The following TLE3 variants were observed in gnomAD, a reference collection of about 807,000 sequenced individuals.
TLE3 encodes transducin-like enhancer protein 3.
Under a neutral mutation model 93.0 loss-of-function variants are expected in TLE3, and 14 were observed. The ratio of observed to expected loss-of-function variants is 0.15; its 90% CI spans 0.10 to 0.24. The LOEUF (loss-of-function observed/expected upper bound fraction) is 0.24. Among genes scored for constraint, TLE3 ranks in the 10% least tolerant of loss-of-function variants. TLE3 has a pLI of 1.00. For missense variants in TLE3, 693 were observed against 1,046.6 expected (o/e 0.66, Z 4.66); for synonymous variants, 451 against 425.0 (o/e 1.06, Z -0.75).
intron 8 of TLE3, among the ~76,000 whole-genome samples, chr15:70,062,088 G>A (rs1009034637): frequency 1.3e-5 from 2 of 152,192 alleles, no homozygotes; most frequent in African/African-American, 4.8e-5. Context: ...TTCCTAAGCC[G>A]GGTTCTGGGC....
Position 70,058,492 on chromosome 15 carries a change from G to A in TLE3, c.918+171C>T. On this transcript the variant is annotated intron_variant, in intron 11 of 19. Coordinates refer to ENST00000451782, the MANE Select transcript of TLE3 (RefSeq NM_001105192.3). This position sits in a 1 kb window ranked among gnomAD's most constrained non-coding sequence, Gnocchi z 4.1. ...CCCATTTTACAGACGTAGCAACCGAGGCTCAGAAACGTTAACTCATTAGCA... is the reference window on the plus strand; with the variant it reads ...CCCATTTTACAGACGTAGCAACCGAAGCTCAGAAACGTTAACTCATTAGCA... The A allele has an allele frequency of 7.8e-7, 1 of 1,286,874 alleles. No individual in the cohort carries two copies. Among genetic ancestry groups the A allele is most frequent in the African/African-American group, 1.5e-5 (1 of 66,682 alleles). 79.7% of individuals were successfully genotyped at this position (1,286,874 alleles called of 1,614,324 possible). A position where few individuals can be genotyped will look rare whatever the true frequency, so the allele number is the denominator to read the frequency against.
intron 14 of TLE3, 25 bp downstream of exon 14, chr15:70,056,273 T>C (rs1297245517): frequency 1.9e-6 from 3 of 1,611,606 alleles, no homozygotes; most frequent in Non-Finnish European, 1.7e-6. Context: ...CTACAAAGCA[T>C]GCAGTAAGTA....
At chr15:70,075,691 T>C (rs796997491) in intron 5 of TLE3, among the ~76,000 whole-genome samples, 2 of 152,244 alleles carry the variant, frequency 1.3e-5, no homozygotes, top group East Asian at 1.9e-4. Context: ...CCTTGGAAGG[T>C]AGGCGTAGAA....
rs747195420 is a variant in TLE3 at position 70,057,513 on chromosome 15, G to A, written c.1197C>T (p.Ala399=). 40 of 1,607,818 alleles carry A rather than the reference G, an allele frequency of 2.5e-5. No homozygotes were observed. Among genetic ancestry groups the A allele is most frequent in the African/African-American group, 2.1e-4 (16 of 74,878 alleles). The part of the protein sequence containing the change: ...LHNIPPQMSA[A]AAAAAAAYGR... ...CATAGGCAGCGGCTGCAGCAGCGGCGGCGGCGCTCATCTGGGGTGGGATGT... is the reference window on the plus strand; with the variant it reads ...CATAGGCAGCGGCTGCAGCAGCGGCAGCGGCGCTCATCTGGGGTGGGATGT... Residue 399 remains alanine, a synonymous_variant, in exon 13 of 20, where the codon GCC becomes GCT. Transcript: ENST00000451782.
At position 70,068,620 on chromosome 15, in the gene TLE3, C is replaced by T. The variant is rs189015158; in HGVS notation, c.373-2402G>A. 1.7e-3 allele frequency among the ~76,000 whole-genome samples: 263 copies of T among 152,334 alleles called. 1 individual carries two copies. Among genetic ancestry groups the T allele is most frequent in the African/African-American group, 6.1e-3 (253 of 41,574 alleles). On this transcript the variant is annotated intron_variant, in intron 6 of 19. Transcript: ENST00000451782. Reference sequence around the variant, plus strand: ...AAGAAGAGGAGGGGAAAGAAGGCTTCAAAGAAGTAGCTTTGCTGCCTGCAG... The same window carrying T: ...AAGAAGAGGAGGGGAAAGAAGGCTTTAAAGAAGTAGCTTTGCTGCCTGCAG...
chr15:70,065,929 C>T (rs1358131817), intron 7 of TLE3, 85 bp downstream of exon 7: 3 of 1,412,678 alleles, frequency 2.1e-6, no homozygotes, highest in South Asian at 1.3e-5. Context: ...GACGACAGCA[C>T]TTGCTGGGTC....
chr15:70,092,888 T>C (rs2058370028), intron 4 of TLE3, among the ~76,000 whole-genome samples: 1 of 152,074 alleles, frequency 6.6e-6, no homozygotes, highest in South Asian at 2.1e-4. Context: ...TTCCAATAAC[T>C]GCTGCTATAA....
At chr15:70,073,896 G>C (rs1245578942) in intron 6 of TLE3, among the ~76,000 whole-genome samples, 1 of 152,248 alleles carries the variant, frequency 6.6e-6, no homozygotes, top group Non-Finnish European at 1.5e-5. Flanking sequence ...GGCCAGTCCG[G>C]AAGTGGGCCT....
At position 70,095,616 on chromosome 15, in the gene TLE3, C is replaced by A. The variant is rs2058517340; in HGVS notation, c.151G>T (p.Ala51Ser). 6.4e-6 allele frequency: 10 copies of A among 1,551,606 alleles called. No individual in the cohort carries two copies. In the South Asian group the frequency reaches 1.2e-4, roughly 18 times the overall value. ...CGCTGCATCTCCGTCTTCTCGTTTGCCAGCTTGTCGTACTCCACTTTGAGG... is the reference window on the plus strand; with the variant it reads ...CGCTGCATCTCCGTCTTCTCGTTTGACAGCTTGTCGTACTCCACTTTGAGG... ...HSLKVEYDKL[A>S]NEKTEMQRHY... Residue 51 changes from alanine to serine, a missense_variant, in exon 3 of 20, where the codon GCA becomes TCA. By Grantham distance (99) the Ala-to-Ser change is moderately conservative. This residue lies in a region of TLE3 where 104 missense variants were observed against 173.8 expected (regional missense o/e 0.60). Transcript: ENST00000451782.
At chr15:70,051,257 G>A (rs1038455962) in intron 19 of TLE3, 134 bp downstream of exon 19, 3 of 812,922 alleles carry the variant, frequency 3.7e-6, no homozygotes, top group African/African-American at 3.5e-5. Flanking sequence ...TAGGGGTGGG[G>A]AGGGGACCAG....
chr15:70,048,195 A>G lies in TLE3; in HGVS notation c.*1902T>C, dbSNP rs1038231668. 2 of 152,368 alleles carry G rather than the reference A, an allele frequency of 1.3e-5. No homozygotes were observed. Among genetic ancestry groups the G allele is most frequent in the South Asian group, 2.1e-4 (1 of 4,834 alleles). 9.4% of individuals were successfully genotyped at this position (152,368 alleles called of 1,614,324 possible). A position where few individuals can be genotyped will look rare whatever the true frequency, so the allele number is the denominator to read the frequency against. ...GGGGGAGAGGCAATTAAGACGCAAC[A>G]ATCAAACCAACCTTTAAATAGTAAC... On this transcript the variant is annotated 3_prime_UTR_variant, in exon 20 of 20. Transcript: ENST00000451782.
chr15:70,056,446 C>A, intron 13 of TLE3, 72 bp from the exon 14 acceptor site: 1 of 1,449,966 alleles, frequency 6.9e-7, no homozygotes, highest in Middle Eastern at 2.1e-4. Context: ...TCCTCCACCA[C>A]CCACCCGGGG....
intron 4 of TLE3, among the ~76,000 whole-genome samples, chr15:70,089,508 A>T (rs1175655770): frequency 6.6e-6 from 1 of 152,156 alleles, no homozygotes; most frequent in Non-Finnish European, 1.5e-5. Flanking sequence ...CCCACAACTA[A>T]AATCCCCACT....
In TLE3 at chr15:70,060,644, G is replaced by A. The variant is rs756065907; in HGVS notation, c.600C>T (p.Asn200=). The A allele has an allele frequency of 1.2e-6, 2 of 1,613,910 alleles. No individual in the cohort carries two copies. Among genetic ancestry groups the A allele is most frequent in the South Asian group, 1.1e-5 (1 of 91,090 alleles). The change falls in exon 9 of 20, where the codon AAC becomes AAT. Residue 200 remains asparagine, a synonymous_variant. Transcript: ENST00000451782. ...GGAGGCTTTCCGAGGGTGACACAGA[G>A]TTATTCTGGAAGGAAAAAGAGGGTT... ...DHRERESSAN[N]SVSPSESLRA...
chr15:70,052,700 C>A (rs557286453), intron 17 of TLE3, 176 bp from the exon 18 acceptor site: 1 of 552,818 alleles, frequency 1.8e-6, no homozygotes, highest in South Asian at 4.0e-5. Flanking sequence ...TGAGAAAGCA[C>A]AGACATTTTG....
At chr15:70,066,940 C>T (rs1595913146) in intron 6 of TLE3, 1 of 378,828 alleles carries the variant, frequency 2.6e-6, no homozygotes, top group South Asian at 1.9e-5. Context: ...ATTTCCTTAT[C>T]TGTAAAGGGG....
At position 70,063,308 on chromosome 15, in the gene TLE3, T is replaced by C. The variant is rs575529182; in HGVS notation, c.594+1146A>G. ...AACTGCCTCTCCGAAAAAATGCCACTGTTAGAGGATCAGTACCGAGGCAGT... is the reference window on the plus strand; with the variant it reads ...AACTGCCTCTCCGAAAAAATGCCACCGTTAGAGGATCAGTACCGAGGCAGT... On this transcript the variant is annotated intron_variant, in intron 8 of 19. Coordinates refer to ENST00000451782, the MANE Select transcript of TLE3 (RefSeq NM_001105192.3). 7.9e-5 allele frequency among the ~76,000 whole-genome samples: 12 copies of C among 152,348 alleles called. No homozygotes were observed. In the South Asian group the frequency reaches 1.4e-3, roughly 18 times the overall value.
At chr15:70,063,689 ATTT>A (rs1180046654) in intron 8 of TLE3, among the ~76,000 whole-genome samples, 1 of 152,228 alleles carries the variant, frequency 6.6e-6, no homozygotes, top group Admixed American at 6.5e-5. Flanking sequence ...TCGCTGGAGG[ATTT>A]TTTTTATCCA....
chr15:70,081,085 C>T (rs2057754027), intron 4 of TLE3, among the ~76,000 whole-genome samples: 1 of 152,160 alleles, frequency 6.6e-6, no homozygotes, highest in South Asian at 2.1e-4. Flanking sequence ...GTGTGTTATG[C>T]TCCAACGCCA....
Sources: allele counts gnomAD v4.1 joint callset (sites outside exome capture counted in the v4.1 genomes callset), GRCh38; gene constraint gnomAD v4.1.1; regional missense constraint gnomAD v4.1.1; non-coding constraint Gnocchi (gnomAD v3.1); transcripts MANE v1.5; gene names NCBI Gene and HGNC (gene_info 2026-07-23, HGNC 2026-07-21).